Variants in PAPPA2 observed in about 807,000 individuals in gnomAD.
The protein encoded by PAPPA2 is pappalysin 2, also known as pappalysin-2.
In PAPPA2, 86 loss-of-function variants were observed where a neutral mutation model predicts 176.4. That is an observed-to-expected ratio of 0.49 (90% CI 0.41 to 0.58). The LOEUF (loss-of-function observed/expected upper bound fraction) is 0.58, where lower values mean the gene tolerates loss of function less well. Ranked by LOEUF, PAPPA2 falls within the 20% of genes least tolerant of loss-of-function variation. PAPPA2 has a pLI of 0.00. For synonymous variants in PAPPA2, 809 were observed against 852.2 expected (o/e 0.95, Z 0.88); for missense variants, 2,073 against 2,256.9 (o/e 0.92, Z 1.65).
At chr1:176,477,026 C>T (rs762709604) in intron 1 of PAPPA2, among the ~76,000 whole-genome samples, 7 of 152,178 alleles carry the variant, frequency 4.6e-5, no homozygotes, top group Non-Finnish European at 8.8e-5. Flanking sequence ...CTTAAGCAAT[C>T]TCTATGTTTC....
intron 14 of PAPPA2, among the ~76,000 whole-genome samples, chr1:176,749,868 A>G (rs915215658): frequency 3.3e-5 from 5 of 152,184 alleles, no homozygotes; most frequent in Admixed American, 6.5e-5. Flanking sequence ...TTATTTATCC[A>G]TATACCTATT....
chr1:176,816,591 C>T (rs1220732126), intron 21 of PAPPA2, among the ~76,000 whole-genome samples: 2 of 151,742 alleles, frequency 1.3e-5, no homozygotes, highest in African/African-American at 2.4e-5. Context: ...GCCATCATCT[C>T]TCCTGTTGTC....
chr1:176,543,930 T>A lies in PAPPA2; in HGVS notation c.-916-11477T>A, dbSNP rs556353484. ...TGGACTTCAAGGCTGTAAGGGAGGG[T>A]GGAAGCCAGATGGCAGGGGTCTGAG... On this transcript the variant is annotated intron_variant, in intron 1 of 22. Coordinates refer to ENST00000367662, the MANE Select transcript of PAPPA2 (RefSeq NM_020318.3). Among the ~76,000 whole-genome samples the A allele has an allele frequency of 2.2e-4, 34 of 152,204 alleles. No individual in the cohort carries two copies. The Middle Eastern group carries it at 0.01, about 46-fold the overall frequency.
intron 3 of PAPPA2, among the ~76,000 whole-genome samples, chr1:176,659,488 A>T (rs1234552613): frequency 6.6e-6 from 1 of 152,080 alleles, no homozygotes; most frequent in Admixed American, 6.6e-5. Flanking sequence ...CTTCATCTTA[A>T]CTTGATTATC....
intron 1 of PAPPA2, among the ~76,000 whole-genome samples, chr1:176,496,554 G>A (rs1558402074): frequency 6.6e-6 from 1 of 152,090 alleles, no homozygotes; most frequent in East Asian, 1.9e-4. Context: ...TTCTCATTCT[G>A]GGCACCTCGT....
chr1:176,685,398 G>T (rs1659789821), intron 4 of PAPPA2, among the ~76,000 whole-genome samples: 1 of 152,240 alleles, frequency 6.6e-6, no homozygotes, highest in South Asian at 2.1e-4. Flanking sequence ...CAAAGAAGGA[G>T]CCCTGGCCTC....
chr1:176,715,518 G>A (rs1661330252), intron 12 of PAPPA2, among the ~76,000 whole-genome samples: 1 of 152,152 alleles, frequency 6.6e-6, no homozygotes, highest in Admixed American at 6.5e-5. Context: ...GTTTCTGTTT[G>A]TGGTCATGAG....
intron 2 of PAPPA2, among the ~76,000 whole-genome samples, chr1:176,584,140 G>T (rs1433368047): frequency 6.6e-6 from 1 of 152,188 alleles, no homozygotes; most frequent in Non-Finnish European, 1.5e-5. Flanking sequence ...TTCTGCAGCT[G>T]TTGTGTGAAA....
At chr1:176,662,982 T>C (rs1418714770) in intron 3 of PAPPA2, among the ~76,000 whole-genome samples, 2 of 152,186 alleles carry the variant, frequency 1.3e-5, no homozygotes, top group South Asian at 2.1e-4. Flanking sequence ...TATCTCTTTG[T>C]TGTTTCTTGA....
intron 4 of PAPPA2, among the ~76,000 whole-genome samples, chr1:176,675,860 C>T (rs186414399): frequency 1.3e-3 from 191 of 152,020 alleles, no homozygotes; most frequent in Non-Finnish European, 6.8e-4. Context: ...AGAAGATATA[C>T]GGAACTCTCA....
chr1:176,715,381 C>T (rs959068747), intron 12 of PAPPA2, among the ~76,000 whole-genome samples: 5 of 152,168 alleles, frequency 3.3e-5, no homozygotes, highest in Non-Finnish European at 5.9e-5. Context: ...AGCACAGCCC[C>T]CTTCTAAAGA....
intron 17 of PAPPA2, among the ~76,000 whole-genome samples, chr1:176,774,685 A>T (rs986641126): frequency 3.0e-4 from 46 of 152,110 alleles, no homozygotes; most frequent in Non-Finnish European, 2.8e-4. Context: ...TGCAGCAAAA[A>T]TGGCCTTCAA....
At chr1:176,666,336 A>G (rs547371110) in intron 3 of PAPPA2, among the ~76,000 whole-genome samples, 101 of 152,324 alleles carry the variant, frequency 6.6e-4, no homozygotes, top group Admixed American at 2.3e-3. Flanking sequence ...GACAACTTTA[A>G]TGAAAGCAAT....
chr1:176,653,810 G>T (rs997212983), intron 3 of PAPPA2, among the ~76,000 whole-genome samples: 1 of 151,570 alleles, frequency 6.6e-6, no homozygotes, highest in African/African-American at 2.4e-5. Context: ...TCAACCTTCT[G>T]CTTCTTTCTA....
intron 1 of PAPPA2, among the ~76,000 whole-genome samples, chr1:176,552,308 C>T (rs1328959368): frequency 6.6e-6 from 1 of 150,716 alleles, no homozygotes; most frequent in African/African-American, 2.4e-5. Context: ...TTCCATTTTA[C>T]CCTCTCCTCC....
chr1:176,648,756 A>G (rs778547801), intron 3 of PAPPA2, among the ~76,000 whole-genome samples: 12 of 151,602 alleles, frequency 7.9e-5, no homozygotes, highest in Non-Finnish European at 1.5e-4. Context: ...CATATGTTGA[A>G]CCATCCTTGC....
At chr1:176,761,476 A>G (rs1663698259) in intron 14 of PAPPA2, among the ~76,000 whole-genome samples, 1 of 152,256 alleles carries the variant, frequency 6.6e-6, no homozygotes, top group Non-Finnish European at 1.5e-5. Flanking sequence ...TGGGCAGGAC[A>G]TCGTGCAGAC....
At chr1:176,806,339 A>G (rs1016268181) in intron 21 of PAPPA2, among the ~76,000 whole-genome samples, 12 of 152,186 alleles carry the variant, frequency 7.9e-5, no homozygotes, top group African/African-American at 2.9e-4. Flanking sequence ...AGAGACACCT[A>G]ATTCTTCAGT....
At chr1:176,632,201 T>G (rs1656376259) in intron 3 of PAPPA2, among the ~76,000 whole-genome samples, 1 of 151,566 alleles carries the variant, frequency 6.6e-6, no homozygotes, top group Non-Finnish European at 1.5e-5. Flanking sequence ...GAACTTCAAC[T>G]GAGGTTGAAG....
Sources: allele counts gnomAD v4.1 joint callset (sites outside exome capture counted in the v4.1 genomes callset), GRCh38; gene constraint gnomAD v4.1.1; transcripts MANE v1.5; gene names NCBI Gene and HGNC (gene_info 2026-07-23, HGNC 2026-07-21).